ANOS1: variants seen among roughly 807,000 people sequenced by gnomAD.
ANOS1 encodes the protein anosmin 1.
A neutral mutation model predicts 59.0 loss-of-function variants in ANOS1; 6 were observed. That is an observed-to-expected ratio of 0.10 (90% CI 0.06 to 0.20). The LOEUF (loss-of-function observed/expected upper bound fraction) is 0.20. ANOS1 is among the 10% of genes least tolerant of loss of function. The pLI, the probability that ANOS1 is intolerant of heterozygous loss-of-function variation, is 1.00. For missense variants in ANOS1, 433 were observed against 542.3 expected (o/e 0.80, Z 2.00); for synonymous variants, 217 against 223.4 (o/e 0.97, Z 0.25).
intron 4 of ANOS1, among the ~76,000 whole-genome samples, chrX:8,588,659 G>A (rs1029056456): frequency 2.7e-5 from 3 of 112,130 alleles, no homozygotes; most frequent in African/African-American, 3.2e-5. Flanking sequence ...GAGTGAGTGT[G>A]CTGCTTCAAA....
chrX:8,590,245 T>C (rs1930592865), intron 4 of ANOS1, among the ~76,000 whole-genome samples: 2 of 112,183 alleles, frequency 1.8e-5, no homozygotes, highest in South Asian at 7.4e-4. Context: ...TATCTCCTGG[T>C]ACATCTTTAA....
chrX:8,717,174 C>A (rs745375089), intron 1 of ANOS1, among the ~76,000 whole-genome samples: 2 of 112,003 alleles, frequency 1.8e-5, no homozygotes, highest in African/African-American at 6.5e-5. Context: ...AAATTAAATT[C>A]TAGCCCTAAT....
At chrX:8,558,724 C>G (rs141850885) in intron 8 of ANOS1, among the ~76,000 whole-genome samples, 2 of 111,290 alleles carry the variant, frequency 1.8e-5, no homozygotes, top group Non-Finnish European at 3.8e-5. Flanking sequence ...GGGCTCTAAA[C>G]GGAAATACGG....
At chrX:8,674,680 T>A (rs1299081388) in intron 2 of ANOS1, among the ~76,000 whole-genome samples, 1 of 112,564 alleles carries the variant, frequency 8.9e-6, no homozygotes, top group Non-Finnish European at 1.9e-5. Context: ...GTCCTGGGCC[T>A]CATGCGGCCC....
chrX:8,555,565 A>G (rs1929937642), intron 8 of ANOS1, among the ~76,000 whole-genome samples: 1 of 112,427 alleles, frequency 8.9e-6, no homozygotes, highest in Admixed American at 9.4e-5. Flanking sequence ...ATGATCCCAC[A>G]GAAGTACAAA....
At chrX:8,566,500 ATATATAGTG>A (rs1316235007) in intron 8 of ANOS1, among the ~76,000 whole-genome samples, 1 of 111,447 alleles carries the variant, frequency 9.0e-6, no homozygotes, top group African/African-American at 3.3e-5. Flanking sequence ...TACAGTACGT[ATATATAGTG>A]TATATAGTGT....
At chrX:8,702,867 T>G (rs1331761208) in intron 1 of ANOS1, among the ~76,000 whole-genome samples, 1 of 112,213 alleles carries the variant, frequency 8.9e-6, no homozygotes, top group Admixed American at 9.4e-5. Context: ...TCAAAGCCAG[T>G]TCCTGAAGGT....
chrX:8,672,022 C>G (rs1011165976), intron 2 of ANOS1, among the ~76,000 whole-genome samples: 1 of 111,044 alleles, frequency 9.0e-6, no homozygotes, highest in African/African-American at 3.3e-5. Flanking sequence ...CTTACTCCTC[C>G]TAACTGAAAT....
chrX:8,631,668 G>C (rs1931491224), intron 2 of ANOS1, among the ~76,000 whole-genome samples: 1 of 111,888 alleles, frequency 8.9e-6, no homozygotes, highest in Non-Finnish European at 1.9e-5. Flanking sequence ...TGAAGATCAG[G>C]ATGATTGAAG....
chrX:8,623,500 A>C (rs1273072561), intron 3 of ANOS1, 108 bp downstream of exon 3: 2 of 590,443 alleles, frequency 3.4e-6, no homozygotes, highest in Non-Finnish European at 2.9e-6. Flanking sequence ...GCAGTTAATG[A>C]TCTCCCCAAG....
chrX:8,591,290 A>G (rs1930612373), intron 4 of ANOS1, among the ~76,000 whole-genome samples: 1 of 111,656 alleles, frequency 9.0e-6, no homozygotes, highest in African/African-American at 3.3e-5. Flanking sequence ...CGCAGAGAAC[A>G]TTTCATGATT....
At chrX:8,617,081 G>A (rs953393100) in intron 3 of ANOS1, among the ~76,000 whole-genome samples, 4 of 112,116 alleles carry the variant, frequency 3.6e-5, no homozygotes, top group Non-Finnish European at 7.5e-5. Context: ...GGAAGCTATT[G>A]TTCTGATATG....
chrX:8,616,779 A>G (rs1931184725), intron 3 of ANOS1, among the ~76,000 whole-genome samples: 1 of 111,431 alleles, frequency 9.0e-6, no homozygotes, highest in Non-Finnish European at 1.9e-5. Flanking sequence ...AGCCACCACT[A>G]TCTCTCATTT....
In ANOS1 at chrX:8,615,315, C is replaced by T. The variant is rs909409994; in HGVS notation, c.318+8293G>A. The stretch of plus-strand genomic sequence containing the variant: ...ATTCCAACACTTTGGGAGGCTGAGG[C>T]GGGTGGATCACGAGGTCAGGAGTTC... On this transcript the variant is annotated intron_variant, in intron 3 of 13. Transcript: ENST00000262648. Among the ~76,000 whole-genome samples the T allele has an allele frequency of 1.2e-4, 13 of 110,763 alleles. No individual in the cohort carries two copies. The South Asian group carries it at 1.5e-3, about 13-fold the overall frequency.
intron 10 of ANOS1, among the ~76,000 whole-genome samples, chrX:8,539,418 C>A (rs996931290): frequency 3.7e-5 from 4 of 109,325 alleles, no homozygotes; most frequent in Admixed American, 2.0e-4. Flanking sequence ...TCTTTAAGAA[C>A]TGTGTCTTTA....
intron 7 of ANOS1, among the ~76,000 whole-genome samples, chrX:8,569,189 G>C (rs1174226941): frequency 3.6e-5 from 4 of 112,094 alleles, no homozygotes; most frequent in Admixed American, 1.9e-4. Flanking sequence ...GGGCTGGAGG[G>C]TGGGACCTGT....
chrX:8,685,586 G>GGAAGGA lies in ANOS1; in HGVS notation c.255+14111_255+14112insTCCTTC, dbSNP rs1223862079. Reference sequence around the variant, plus strand: ...GGAAGGAAGGAAGGAAGGAAAGAAAGAGAAAGAAAGGAAGAAAGAAAGAAA... The same window carrying GGAAGGA: ...GGAAGGAAGGAAGGAAGGAAAGAAAGGAAGGAAGAAAGAAAGGAAGAAAGAAAGAAA... On this transcript the variant is annotated intron_variant, in intron 2 of 13. Transcript: ENST00000262648. Among the ~76,000 whole-genome samples the GGAAGGA allele has an allele frequency of 3.9e-3, 237 of 60,732 alleles. 2 individuals are homozygous for GGAAGGA. Among genetic ancestry groups the GGAAGGA allele is most frequent in the Middle Eastern group, 0.019 (2 of 107 alleles). 52.7% of individuals were successfully genotyped at this position (60,732 alleles called of 115,157 possible). A position where few individuals can be genotyped will look rare whatever the true frequency, so the allele number is the denominator to read the frequency against.
At chrX:8,665,541 A>C (rs943874155) in intron 2 of ANOS1, among the ~76,000 whole-genome samples, 1 of 112,388 alleles carries the variant, frequency 8.9e-6, no homozygotes, top group Non-Finnish European at 1.9e-5. Context: ...AACTATTTCC[A>C]TTCTTTACGT....
chrX:8,677,464 G>C (rs142025879), intron 2 of ANOS1, among the ~76,000 whole-genome samples: 6,381 of 111,433 alleles, frequency 0.057, 472 homozygotes, highest in African/African-American at 0.2. Flanking sequence ...AATTTACTGA[G>C]ATTCAAAAGA....
Sources: gnomAD v4.1 joint callset for allele counts (sites outside exome capture counted in the v4.1 genomes callset) on GRCh38, gnomAD v4.1.1 for gene constraint, MANE v1.5 for transcripts, NCBI Gene and HGNC (gene_info 2026-07-23, HGNC 2026-07-21) for gene names.